Variants in COMMD10 observed in about 807,000 individuals in gnomAD.
The protein encoded by COMMD10 is COMM domain-containing protein 10.
A neutral mutation model predicts 28.9 loss-of-function variants in COMMD10; 33 were observed. That is an observed-to-expected ratio of 1.14 (90% CI 0.87 to 1.53). COMMD10 has a LOEUF of 1.53. Ranked by LOEUF, COMMD10 falls within the 40% of genes most tolerant of loss-of-function variation. COMMD10 has a pLI of 0.00. For missense variants in COMMD10, 310 were observed against 233.4 expected, an observed-to-expected ratio of 1.33 and a Z score of -2.14; for synonymous variants, 110 against 81.7, an observed-to-expected ratio of 1.35 and a Z score of -1.87.
At chr5:116,189,602 C>A (rs886220817) in intron 5 of COMMD10, among the ~76,000 whole-genome samples, 1 of 152,152 alleles carries the variant, frequency 6.6e-6, no homozygotes, top group African/African-American at 2.4e-5. Context: ...TAGTACAATT[C>A]TCTTGGAAAA....
intron 5 of COMMD10, among the ~76,000 whole-genome samples, chr5:116,273,123 G>A (rs1750802779): frequency 6.6e-6 from 1 of 151,788 alleles, no homozygotes; most frequent in Non-Finnish European, 1.5e-5. Context: ...AGTTTGCTCT[G>A]ATAGGGGCTA....
chr5:116,142,090 T>G (rs10057577), intron 5 of COMMD10, among the ~76,000 whole-genome samples: 1 of 151,694 alleles, frequency 6.6e-6, no homozygotes, highest in Non-Finnish European at 1.5e-5. Context: ...AAGATGCAGG[T>G]AATCCATTTG....
At chr5:116,231,651 G>A (rs1202555722) in intron 5 of COMMD10, among the ~76,000 whole-genome samples, 2 of 152,048 alleles carry the variant, frequency 1.3e-5, no homozygotes, top group Admixed American at 6.6e-5. Flanking sequence ...GATTCCTACA[G>A]TCTAAAGGGA....
chr5:116,263,375 C>T (rs185030343), intron 5 of COMMD10, among the ~76,000 whole-genome samples: 1 of 151,644 alleles, frequency 6.6e-6, no homozygotes. Context: ...CATAACATTA[C>T]GAGACAAGGA....
At position 116,085,074 on chromosome 5, in the gene COMMD10, A is replaced by G. The variant is rs757640569; in HGVS notation, c.22A>G (p.Ile8Val). The change falls in exon 1 of 7, where the codon ATC (isoleucine) becomes GTC (valine). Residue 8 changes from isoleucine to valine, a missense_variant. Transcript: ENST00000274458. ...GAAGATGGCGGTCCCCGCGGCGCTGATCCTACGGGAGAGCCCCAGGTAGCT... is the reference window on the plus strand; with the variant it reads ...GAAGATGGCGGTCCCCGCGGCGCTGGTCCTACGGGAGAGCCCCAGGTAGCT... The part of the protein sequence containing the change: MAVPAAL[I>V]LRESPSMKKA... 4 of 1,610,108 alleles carry G rather than the reference A, an allele frequency of 2.5e-6. No homozygotes were observed. In the East Asian group the frequency reaches 6.7e-5, roughly 27 times the overall value.
chr5:116,171,251 A>T (rs1057461497), intron 5 of COMMD10, among the ~76,000 whole-genome samples: 1 of 152,234 alleles, frequency 6.6e-6, no homozygotes, highest in Admixed American at 6.5e-5. Context: ...TGGTCATTAG[A>T]GAAATGCAAA....
chr5:116,143,354 G>A (rs1752252080), intron 5 of COMMD10, among the ~76,000 whole-genome samples: 1 of 151,524 alleles, frequency 6.6e-6, no homozygotes, highest in South Asian at 2.1e-4. Flanking sequence ...CACCATTAGA[G>A]GTTAGTATTT....
intron 5 of COMMD10, among the ~76,000 whole-genome samples, chr5:116,155,110 A>C (rs977039130): frequency 6.6e-6 from 1 of 152,240 alleles, no homozygotes; most frequent in Non-Finnish European, 1.5e-5. Context: ...CTTGGCATAC[A>C]TTGACTGAGT....
At chr5:116,118,645 C>T (rs570587165) in intron 4 of COMMD10, among the ~76,000 whole-genome samples, 1 of 151,786 alleles carries the variant, frequency 6.6e-6, no homozygotes, top group South Asian at 2.1e-4. Context: ...TTTTATGGCT[C>T]TTGAATTTTG....
At chr5:116,161,700 G>C (rs535313561) in intron 5 of COMMD10, among the ~76,000 whole-genome samples, 1 of 152,170 alleles carries the variant, frequency 6.6e-6, no homozygotes, top group Non-Finnish European at 1.5e-5. Flanking sequence ...AGTAGAAGCA[G>C]ATCTTCATAA....
chr5:116,180,757 TA>T (rs1400883825), intron 5 of COMMD10, among the ~76,000 whole-genome samples: 24 of 152,274 alleles, frequency 1.6e-4, no homozygotes, highest in African/African-American at 5.5e-4. Flanking sequence ...TGGGATCATT[TA>T]GGGGGATCGC....
At chr5:116,203,783 A>G (rs1748738173) in intron 5 of COMMD10, among the ~76,000 whole-genome samples, 1 of 152,200 alleles carries the variant, frequency 6.6e-6, no homozygotes, top group Admixed American at 6.5e-5. Flanking sequence ...CCACAGCAAA[A>G]TCATGCCAAA....
intron 5 of COMMD10, among the ~76,000 whole-genome samples, chr5:116,224,441 A>T (rs1749341033): frequency 6.6e-6 from 1 of 152,178 alleles, no homozygotes; most frequent in African/African-American, 2.4e-5. Flanking sequence ...GTTTCTGCAG[A>T]CTGTACAGGA....
chr5:116,266,305 G>T (rs1458020103), intron 5 of COMMD10, among the ~76,000 whole-genome samples: 1 of 151,592 alleles, frequency 6.6e-6, no homozygotes, highest in Non-Finnish European at 1.5e-5. Flanking sequence ...AGGTATTATG[G>T]ATCCAAATTG....
At chr5:116,208,688 G>A (rs1353567155) in intron 5 of COMMD10, among the ~76,000 whole-genome samples, 1 of 45,816 alleles carries the variant, frequency 2.2e-5, no homozygotes, top group African/African-American at 7.6e-5. Context: ...TAGACATAGA[G>A]GTGACCACAC....
chr5:116,164,114 C>G (rs577945585), intron 5 of COMMD10, among the ~76,000 whole-genome samples: 14 of 152,098 alleles, frequency 9.2e-5, no homozygotes, highest in African/African-American at 2.7e-4. Context: ...GTCAGGAGTT[C>G]TGGACTAGCT....
At position 116,277,225 on chromosome 5, in the gene COMMD10, C is replaced by T. The variant is rs536700769; in HGVS notation, c.511-14292C>T. Among the ~76,000 whole-genome samples the T allele has an allele frequency of 5.9e-5, 9 of 151,838 alleles. No individual in the cohort carries two copies. The South Asian group carries it at 6.2e-4, about 10-fold the overall frequency. On this transcript the variant is annotated intron_variant, in intron 5 of 6. Coordinates refer to ENST00000274458, the MANE Select transcript of COMMD10 (RefSeq NM_016144.4). ...GACATATTTCAAACATAAAATAAAA[C>T]CTTATTAGCTCCAGATATACTAAGG...
intron 5 of COMMD10, among the ~76,000 whole-genome samples, chr5:116,275,549 T>A (rs972132763): frequency 2.6e-5 from 4 of 151,766 alleles, no homozygotes; most frequent in Non-Finnish European, 5.9e-5. Context: ...AAACAAAGAT[T>A]GTACACATTG....
chr5:116,162,269 A>G (rs528836675), intron 5 of COMMD10, among the ~76,000 whole-genome samples: 1 of 152,222 alleles, frequency 6.6e-6, no homozygotes, highest in East Asian at 1.9e-4. Flanking sequence ...GGTATTTTGG[A>G]TTGGCATGGT....
Sources: allele counts gnomAD v4.1 joint callset (sites outside exome capture counted in the v4.1 genomes callset), GRCh38; gene constraint gnomAD v4.1.1; transcripts MANE v1.5; gene names NCBI Gene and HGNC (gene_info 2026-07-23, HGNC 2026-07-21).